The following ADCY1 variants were observed in gnomAD, a reference collection of about 807,000 sequenced individuals.
ADCY1 encodes the protein adenylate cyclase type 1.
Under a neutral mutation model 105.4 loss-of-function variants are expected in ADCY1, and 28 were observed. The observed-to-expected ratio is 0.27, with a 90% CI of 0.20 to 0.36. ADCY1 has a LOEUF of 0.36. ADCY1 is among the 10% of genes least tolerant of loss of function. The pLI is 1.00. For synonymous variants in ADCY1, 655 were observed against 623.8 expected (o/e 1.05, Z -0.75); for missense variants, 977 against 1,434.2 (o/e 0.68, Z 5.15).
chr7:45,615,911 G>A (rs1793726662), intron 3 of ADCY1, among the ~76,000 whole-genome samples: 1 of 151,984 alleles, frequency 6.6e-6, no homozygotes, highest in Admixed American at 6.6e-5. Context: ...AAAACCAAGA[G>A]TTGCTTTGTG....
rs1311193200 is a variant in ADCY1, at chr7:45,710,941, T to TGCACATCC, written c.3057+289_3057+290insGCACATCC. ...GCTGGTCCCAGCAGCCTGGTGGCTC[T>TGCACATCC]CATTCACTCTGCACATCCCAGGACT... On this transcript the variant is annotated intron_variant, in intron 19 of 19. Transcript: ENST00000297323. This position sits in a 1 kb window ranked among gnomAD's most constrained non-coding sequence, Gnocchi z 4.7. Among the ~76,000 whole-genome samples, 4 of 152,160 alleles carry TGCACATCC rather than the reference T, an allele frequency of 2.6e-5. No individual in the cohort carries two copies. Among genetic ancestry groups the TGCACATCC allele is most frequent in the African/African-American group, 9.6e-5 (4 of 41,456 alleles).
rs374766830 is a variant in ADCY1, at chr7:45,709,919, G to A, written c.2933-609G>A. 9.1e-4 allele frequency among the ~76,000 whole-genome samples: 139 copies of A among 152,310 alleles called. 1 individual carries two copies. Among genetic ancestry groups the A allele is most frequent in the African/African-American group, 3.2e-3 (135 of 41,578 alleles). On this transcript the variant is annotated intron_variant, in intron 18 of 19. Transcript: ENST00000297323. ...TGCACAAGGGGTGACTCAAGTTCGG[G>A]TGTGCCTGGGTTGTCACGATGCTGT...
At position 45,713,731 on chromosome 7, in the gene ADCY1, C is replaced by T. The variant is rs1785309650; in HGVS notation, c.3096C>T (p.Pro1032=). Residue 1032 remains proline (P), a synonymous_variant, in exon 20 of 20, where the codon CCC becomes CCT. Coordinates refer to ENST00000297323, the MANE Select transcript of ADCY1 (RefSeq NM_021116.4). ...TCCACCGGCTGCTGAGAAGGTGCCC[C>T]TACCACTTTGTGTGCCGAGGCAAAG... The part of the protein sequence containing the change: ...EEVHRLLRRC[P]YHFVCRGKVS... 1.3e-6 allele frequency: 1 copy of T among 780,726 alleles called. No individual in the cohort carries two copies. The highest frequency in any genetic ancestry group is 2.4e-6 in the Non-Finnish European group (1 of 418,132). 48.4% of individuals were successfully genotyped at this position (780,726 alleles called of 1,614,324 possible).
chr7:45,659,070 G>T (rs931536890), intron 6 of ADCY1, among the ~76,000 whole-genome samples: 1 of 152,184 alleles, frequency 6.6e-6, no homozygotes, highest in African/African-American at 2.4e-5. Flanking sequence ...CCCCTTTGCA[G>T]CCTCTCTTCC....
At chr7:45,611,566 C>A (rs1253259880) in intron 3 of ADCY1, among the ~76,000 whole-genome samples, 6 of 151,500 alleles carry the variant, frequency 4.0e-5, no homozygotes, top group African/African-American at 1.5e-4. Context: ...AGGGATTGTT[C>A]CCATTTTATA....
rs1282831140 is a variant in ADCY1, at chr7:45,678,422, G to A, written c.1898+159G>A. ...AATGTGCCCAACATGGCTGACATTA[G>A]CCAGCCATCATTTCCTCATTTTCTC... is the stretch of plus-strand genomic sequence containing the variant. On this transcript the variant is annotated intron_variant, in intron 10 of 19. Transcript: ENST00000297323. Among the ~76,000 whole-genome samples, 7 of 152,144 alleles carry A rather than the reference G, an allele frequency of 4.6e-5. No homozygotes were observed. The East Asian group carries it at 1.3e-3, about 29-fold the overall frequency.
At chr7:45,711,459 C>G (rs1316529642) in intron 19 of ADCY1, among the ~76,000 whole-genome samples, 1 of 151,900 alleles carries the variant, frequency 6.6e-6, no homozygotes, top group East Asian at 1.9e-4. Context: ...TGCTGCACTT[C>G]TGCATTCTCT....
rs142349060 is a variant in ADCY1, at chr7:45,702,756, G to A, written c.2455-620G>A. Among the ~76,000 whole-genome samples the A allele has an allele frequency of 3.6e-3, 549 of 152,360 alleles. 3 individuals carry two copies. The highest frequency in any genetic ancestry group is 5.7e-3 in the Non-Finnish European group (386 of 68,026). ...ACCTGCTCCTGCCATCTGCTCTGCC[G>A]TGTCCTCTCCCCATGGTGGGACCCT... On this transcript the variant is annotated intron_variant, in intron 14 of 19. Coordinates refer to ENST00000297323, the MANE Select transcript of ADCY1 (RefSeq NM_021116.4).
chr7:45,612,405 G>A (rs1489555187), intron 3 of ADCY1, among the ~76,000 whole-genome samples: 1 of 152,210 alleles, frequency 6.6e-6, no homozygotes, highest in African/African-American at 2.4e-5. Flanking sequence ...GGCTGGGACA[G>A]GAACTGGGAT....
Position 45,722,302 on chromosome 7 carries a change from ACTC to A in ADCY1, c.*8310_*8312del, listed in dbSNP as rs1339417692. 3 of 153,974 alleles carry A rather than the reference ACTC, an allele frequency of 1.9e-5. No individual in the cohort carries two copies. The highest frequency in any genetic ancestry group is 7.2e-5 in the African/African-American group (3 of 41,454). 9.5% of individuals were successfully genotyped at this position (153,974 alleles called of 1,614,324 possible). A position where few individuals can be genotyped will look rare whatever the true frequency, so the allele number is the denominator to read the frequency against. Reference sequence around the variant, plus strand: ...CACTCTGGAACTGCATGCCGTGAAAACTCCTAATGGTGTGGAACTTAGTTTGAA... The same window carrying A: ...CACTCTGGAACTGCATGCCGTGAAAACTAATGGTGTGGAACTTAGTTTGAA... On this transcript the variant is annotated 3_prime_UTR_variant, in exon 20 of 20. Coordinates refer to ENST00000297323, the MANE Select transcript of ADCY1 (RefSeq NM_021116.4).
intron 8 of ADCY1, among the ~76,000 whole-genome samples, chr7:45,662,916 G>GC (rs1795171532): frequency 3.9e-5 from 6 of 152,102 alleles, no homozygotes; most frequent in Admixed American, 3.9e-4. Context: ...ATCACCATCT[G>GC]CCCCCCAGAC....
At chr7:45,592,719 G>A in intron 1 of ADCY1, 40 bp from the exon 2 acceptor site, 1 of 1,612,806 alleles carries the variant, frequency 6.2e-7, no homozygotes, top group South Asian at 1.1e-5. Flanking sequence ...GTGTGTGTGG[G>A]ATGTCAGGCT....
chr7:45,711,724 C>T (rs1260895909), intron 19 of ADCY1, among the ~76,000 whole-genome samples: 3 of 134,858 alleles, frequency 2.2e-5, no homozygotes, highest in African/African-American at 8.3e-5. Context: ...TGTGTATATA[C>T]ATATATGTGT....
In ADCY1 at chr7:45,721,929, A is replaced by AGG. The variant is rs1305576218; in HGVS notation, c.*7935_*7936insGG. The stretch of plus-strand genomic sequence containing the variant: ...ATAATAGCCTAGATGAACTCCCAAG[A>AGG]GATCTATTAAATCTTGTGGGCTGAA... On this transcript the variant is annotated 3_prime_UTR_variant, in exon 20 of 20. Transcript: ENST00000297323. The AGG allele has an allele frequency of 2.5e-6, 1 of 398,238 alleles. No homozygotes were observed. The highest frequency in any genetic ancestry group is 4.4e-6 in the Non-Finnish European group (1 of 226,044). The allele number at this position is 398,238 out of a possible 1,614,324, so 24.7% of individuals were successfully genotyped here.
In ADCY1 at chr7:45,719,070, G is replaced by A. The variant is rs571556650; in HGVS notation, c.*5075G>A. 1 of 153,020 alleles carries A rather than the reference G, an allele frequency of 6.5e-6. No homozygotes were observed. Among genetic ancestry groups the A allele is most frequent in the East Asian group, 1.9e-4 (1 of 5,198 alleles). The allele number at this position is 153,020 out of a possible 1,614,324, so 9.5% of individuals were successfully genotyped here. On this transcript the variant is annotated 3_prime_UTR_variant, in exon 20 of 20. Coordinates refer to ENST00000297323, the MANE Select transcript of ADCY1 (RefSeq NM_021116.4). ...TGAAGGACAGGCCCCGGCCTTGGGA[G>A]AGGACACGGGCATGGGCTGCTGGAT...
chr7:45,637,957 A>G (rs572503224), intron 4 of ADCY1, among the ~76,000 whole-genome samples: 1 of 152,316 alleles, frequency 6.6e-6, no homozygotes, highest in Admixed American at 6.5e-5. Context: ...GAAGTCTACC[A>G]TCAACTGTCT....
chr7:45,712,064 AT>A (rs1785268070), intron 19 of ADCY1, among the ~76,000 whole-genome samples: 1 of 130,926 alleles, frequency 7.6e-6, no homozygotes, highest in Non-Finnish European at 1.6e-5. Flanking sequence ...TTAAATATAT[AT>A]TTTATATATT....
At chr7:45,597,895 T>C (rs765190892) in intron 2 of ADCY1, among the ~76,000 whole-genome samples, 17 of 152,198 alleles carry the variant, frequency 1.1e-4, no homozygotes, top group Non-Finnish European at 2.4e-4. Context: ...TTTACCTGAA[T>C]TGTCAGTGTG....
chr7:45,713,392 T>C (rs781080707), intron 19 of ADCY1, among the ~76,000 whole-genome samples: 3 of 152,218 alleles, frequency 2.0e-5, no homozygotes, highest in African/African-American at 4.8e-5. Flanking sequence ...TCAGTGAACA[T>C]TGCCTCCTCC....
Sources: allele counts gnomAD v4.1 joint callset (sites outside exome capture counted in the v4.1 genomes callset), GRCh38; gene constraint gnomAD v4.1.1; non-coding constraint Gnocchi (gnomAD v3.1); transcripts MANE v1.5; gene names NCBI Gene and HGNC (gene_info 2026-07-23, HGNC 2026-07-21).